The following CDKAL1 variants were observed in gnomAD, a reference collection of about 807,000 sequenced individuals.
The protein encoded by CDKAL1 is threonylcarbamoyladenosine tRNA methylthiotransferase.
A neutral mutation model predicts 68.2 loss-of-function variants in CDKAL1; 32 were observed. The observed-to-expected ratio is 0.47, with a 90% confidence interval of 0.35 to 0.63. The LOEUF is 0.63. Among genes scored for constraint, CDKAL1 ranks in the 30% least tolerant of loss-of-function variants. The probability of loss-of-function intolerance (pLI) is 0.00; values close to 1 mark genes in which losing one functional copy is unlikely to be tolerated. For synonymous variants in CDKAL1, 234 were observed against 244.3 expected (o/e 0.96, Z 0.39); for missense variants, 606 against 696.7 (o/e 0.87, Z 1.47).
intron 5 of CDKAL1, among the ~76,000 whole-genome samples, chr6:20,664,092 C>T (rs1270062658): frequency 5.9e-5 from 9 of 152,162 alleles, no homozygotes; most frequent in South Asian, 2.1e-4. Context: ...GGGATATTAA[C>T]GCTATCAAAT....
At chr6:20,896,160 G>A (rs1477354060) in intron 9 of CDKAL1, among the ~76,000 whole-genome samples, 1 of 142,848 alleles carries the variant, frequency 7.0e-6, no homozygotes, top group Non-Finnish European at 1.5e-5. Context: ...GAGTGCAGTG[G>A]CGCGATCTTG....
chr6:20,941,477 T>A (rs182898935), intron 9 of CDKAL1, among the ~76,000 whole-genome samples: 1 of 152,310 alleles, frequency 6.6e-6, no homozygotes, highest in Admixed American at 6.5e-5. Context: ...TCTGTCACAG[T>A]CTCTATTTAT....
chr6:20,988,207 T>TGTGTGC (rs1554153564), intron 10 of CDKAL1, among the ~76,000 whole-genome samples: 1 of 151,638 alleles, frequency 6.6e-6, no homozygotes, highest in Non-Finnish European at 1.5e-5. Flanking sequence ...TGTGTGTGTG[T>TGTGTGC]GTGTGTGTGT....
chr6:20,748,436 GGAGTTCCAGGCTGTGGC>G (rs766211511), intron 6 of CDKAL1, among the ~76,000 whole-genome samples: 6 of 151,670 alleles, frequency 4.0e-5, no homozygotes, highest in South Asian at 2.1e-4. Flanking sequence ...CTTGAGTCGA[GGAGTTCCAGGCTGTGGC>G]GAGTTCCAGG....
At chr6:20,920,658 TTTAG>T (rs1399223773) in intron 9 of CDKAL1, among the ~76,000 whole-genome samples, 2 of 152,218 alleles carry the variant, frequency 1.3e-5, no homozygotes, top group African/African-American at 4.8e-5. Flanking sequence ...CACAATTCTA[TTTAG>T]TTAGTATTAA....
At chr6:20,541,609 T>A (rs1295307253) in intron 2 of CDKAL1, among the ~76,000 whole-genome samples, 1 of 152,122 alleles carries the variant, frequency 6.6e-6, no homozygotes, top group Non-Finnish European at 1.5e-5. Flanking sequence ...CCTGGCAAGC[T>A]TGGGTCATGT....
intron 14 of CDKAL1, among the ~76,000 whole-genome samples, chr6:21,200,062 A>G (rs1352091023): frequency 6.6e-6 from 1 of 152,230 alleles, no homozygotes; most frequent in Non-Finnish European, 1.5e-5. Flanking sequence ...TGAAGATTGT[A>G]TCTAGATATC....
At chr6:20,840,954 C>T (rs927922320) in intron 8 of CDKAL1, among the ~76,000 whole-genome samples, 25 of 152,286 alleles carry the variant, frequency 1.6e-4, no homozygotes, top group African/African-American at 5.5e-4. Context: ...CACAGTATGG[C>T]TTTTCCAAGA....
intron 8 of CDKAL1, among the ~76,000 whole-genome samples, chr6:20,791,420 A>G (rs1775894198): frequency 1.3e-5 from 2 of 152,176 alleles, no homozygotes; most frequent in East Asian, 3.9e-4. Flanking sequence ...GAACCACATC[A>G]TCTGACCAGT....
intron 4 of CDKAL1, among the ~76,000 whole-genome samples, chr6:20,610,080 C>T (rs913071015): frequency 2.6e-4 from 39 of 152,140 alleles, no homozygotes; most frequent in Admixed American, 2.6e-3. Context: ...GCCTCCATCT[C>T]CATCCATGTC....
chr6:20,687,319 G>T (rs191086920), intron 5 of CDKAL1, among the ~76,000 whole-genome samples: 1 of 152,042 alleles, frequency 6.6e-6, no homozygotes, highest in Non-Finnish European at 1.5e-5. Flanking sequence ...TTCTGTTTTA[G>T]AATGTTGCTA....
Position 20,767,124 on chromosome 6 carries a change from C to T in CDKAL1, c.517+8481C>T, listed in dbSNP as rs559309426. 9.6e-4 allele frequency among the ~76,000 whole-genome samples: 146 copies of T among 152,062 alleles called. 1 individual carries two copies. Among genetic ancestry groups the T allele is most frequent in the African/African-American group, 3.3e-3 (139 of 41,502 alleles). On this transcript the variant is annotated intron_variant, in intron 7 of 15. Coordinates refer to ENST00000274695, the MANE Select transcript of CDKAL1 (RefSeq NM_017774.3). ...TGCATATGTATCATGTGCTTTATTACGTGACTGGAGAGATTTTATTCTTCA... is the reference window on the plus strand; with the variant it reads ...TGCATATGTATCATGTGCTTTATTATGTGACTGGAGAGATTTTATTCTTCA...
chr6:20,569,808 C>T (rs4291090), intron 4 of CDKAL1, among the ~76,000 whole-genome samples: 52,438 of 151,968 alleles, frequency 0.35, 9,521 homozygotes, highest in East Asian at 0.53. Flanking sequence ...CTAAGTCACT[C>T]CTTTTTGAGA....
intron 10 of CDKAL1, among the ~76,000 whole-genome samples, chr6:20,977,633 T>A (rs1466497377): frequency 6.6e-6 from 1 of 152,176 alleles, no homozygotes; most frequent in Admixed American, 6.5e-5. Flanking sequence ...ATCCCAGCAA[T>A]TTGGGAAGCC....
At chr6:20,568,559 C>T (rs1764557859) in intron 4 of CDKAL1, among the ~76,000 whole-genome samples, 2 of 151,706 alleles carry the variant, frequency 1.3e-5, no homozygotes, top group Admixed American at 1.3e-4. Flanking sequence ...CGGTAAAACC[C>T]CGTCTCTACT....
At chr6:20,675,547 A>G (rs1436226426) in intron 5 of CDKAL1, among the ~76,000 whole-genome samples, 2 of 152,212 alleles carry the variant, frequency 1.3e-5, no homozygotes, top group Non-Finnish European at 2.9e-5. Flanking sequence ...AATGGAGCTG[A>G]AAAATTGTTA....
chr6:20,922,394 A>G (rs1762998200), intron 9 of CDKAL1, among the ~76,000 whole-genome samples: 1 of 152,182 alleles, frequency 6.6e-6, no homozygotes, highest in Non-Finnish European at 1.5e-5. Context: ...GGGGTAGGAG[A>G]GGAACATGAG....
At chr6:20,729,854 G>C (rs1772827782) in intron 5 of CDKAL1, among the ~76,000 whole-genome samples, 1 of 152,144 alleles carries the variant, frequency 6.6e-6, no homozygotes, top group Non-Finnish European at 1.5e-5. Context: ...TACTCCTCGT[G>C]GTTGTACTTT....
chr6:21,044,554 G>C (rs1308844508), intron 11 of CDKAL1, among the ~76,000 whole-genome samples: 1 of 152,042 alleles, frequency 6.6e-6, no homozygotes, highest in African/African-American at 2.4e-5. Context: ...TGCCAAAATT[G>C]TTATTAATAA....
Sources: allele counts gnomAD v4.1 joint callset (sites outside exome capture counted in the v4.1 genomes callset), GRCh38; gene constraint gnomAD v4.1.1; transcripts MANE v1.5; gene names NCBI Gene and HGNC (gene_info 2026-07-23, HGNC 2026-07-21).